Variants in COPB2 observed in about 807,000 individuals in gnomAD.
The protein encoded by COPB2 is coatomer subunit beta'.
In COPB2, 16 loss-of-function variants were observed where a neutral mutation model predicts 120.8. The ratio of observed to expected loss-of-function variants is 0.13; its 90% confidence interval spans 0.09 to 0.20. COPB2 has a LOEUF of 0.20. Ranked by LOEUF, COPB2 falls within the 10% of genes least tolerant of loss-of-function variation. The probability of loss-of-function intolerance (pLI) is 1.00; values close to 1 mark genes in which losing one functional copy is unlikely to be tolerated. For synonymous variants in COPB2, 332 were observed against 366.3 expected (o/e 0.91, Z 1.07); for missense variants, 794 against 1,076.5 (o/e 0.74, Z 3.67).
intron 5 of COPB2, among the ~76,000 whole-genome samples, chr3:139,376,391 T>G (rs1024213060): frequency 6.6e-6 from 1 of 152,246 alleles, no homozygotes; most frequent in African/African-American, 2.4e-5. Flanking sequence ...AAATATTTAT[T>G]GAGTGCCTAT....
At chr3:139,387,905 A>G (rs1941953002) in intron 1 of COPB2, among the ~76,000 whole-genome samples, 1 of 152,226 alleles carries the variant, frequency 6.6e-6, no homozygotes, top group East Asian at 1.9e-4. Context: ...ACCACTTCAC[A>G]AACATATAAC....
intron 1 of COPB2, among the ~76,000 whole-genome samples, chr3:139,384,712 T>C (rs1941882925): frequency 6.6e-6 from 1 of 152,244 alleles, no homozygotes; most frequent in African/African-American, 2.4e-5. Flanking sequence ...ATAACATTTT[T>C]ACTGTTTCAT....
chr3:139,357,939 A>T lies in COPB2; in HGVS notation c.2645T>A (p.Val882Glu), dbSNP rs1305668461. The T allele has an allele frequency of 3.1e-6, 5 of 1,591,444 alleles. No individual in the cohort carries two copies. Among genetic ancestry groups the T allele is most frequent in the Non-Finnish European group, 4.3e-6 (5 of 1,162,746 alleles). ...KEEKSLLELE[V>E]DLDNLELEDI... Reference sequence around the variant, plus strand: ...TTCTAATTCCAAATTATCCAAATCTACTTCTAGTTCGAGTAAACTCTGCAG... The same window carrying T: ...TTCTAATTCCAAATTATCCAAATCTTCTTCTAGTTCGAGTAAACTCTGCAG... Residue 882 changes from valine to glutamate, a missense_variant, in exon 22 of 22, where the codon GTA (valine) becomes GAA (glutamate). Coordinates refer to ENST00000333188, the MANE Select transcript of COPB2 (RefSeq NM_004766.3).
At chr3:139,374,151 G>T (rs1367035772) in intron 7 of COPB2, 5 of 408,728 alleles carry the variant, frequency 1.2e-5, no homozygotes, top group Admixed American at 8.0e-5. Flanking sequence ...TTCATAATTT[G>T]CCCAAACACA....
chr3:139,367,718 G>A (rs1337499895), intron 13 of COPB2, among the ~76,000 whole-genome samples: 2 of 151,980 alleles, frequency 1.3e-5, no homozygotes, highest in Non-Finnish European at 2.9e-5. Context: ...TCTCATTGTT[G>A]GGTCAAAATC....
intron 19 of COPB2, 86 bp downstream of exon 19, chr3:139,358,909 AAAG>A (rs1289896905): frequency 1.9e-5 from 30 of 1,570,262 alleles, no homozygotes; most frequent in Middle Eastern, 1.7e-4. Flanking sequence ...CTTAATTTTA[AAAG>A]AAGACAGCAG....
At chr3:139,367,433 G>A (rs958539064) in intron 13 of COPB2, among the ~76,000 whole-genome samples, 8 of 151,656 alleles carry the variant, frequency 5.3e-5, no homozygotes, top group African/African-American at 1.7e-4. Context: ...GATTACAGGC[G>A]CCCGCCACCA....
chr3:139,364,617 A>G (rs961722599), intron 15 of COPB2, among the ~76,000 whole-genome samples: 5 of 152,240 alleles, frequency 3.3e-5, no homozygotes, highest in Admixed American at 1.3e-4. Flanking sequence ...TGAAGGCTAC[A>G]TGTCAGCAGG....
chr3:139,377,671 T>A (rs1010984490), intron 5 of COPB2, among the ~76,000 whole-genome samples: 1 of 152,144 alleles, frequency 6.6e-6, no homozygotes, highest in Non-Finnish European at 1.5e-5. Flanking sequence ...TAGAGGCATA[T>A]GGAATTTAAA....
In COPB2 at chr3:139,369,359, C is replaced by T. The variant is rs779822252; in HGVS notation, c.1303G>A (p.Gly435Ser). 2.9e-5 allele frequency: 46 copies of T among 1,612,870 alleles called. No individual in the cohort carries two copies. Among genetic ancestry groups the T allele is most frequent in the South Asian group, 2.8e-4 (25 of 90,868 alleles). ...KPDFGAESIYGGFLLGVRSVN... is the reference protein window; with the variant it reads ...KPDFGAESIYSGFLLGVRSVN... ...GATCTGACTCCCAATAAGAAGCCGC[C>T]GTAGATACCTAAAGGGAACATAAAA... Residue 435 changes from glycine to serine, a missense_variant, in exon 12 of 22, where the codon GGC becomes AGC. By Grantham distance (56) the Gly-to-Ser change is moderately conservative. Coordinates refer to ENST00000333188, the MANE Select transcript of COPB2 (RefSeq NM_004766.3).
intron 15 of COPB2, among the ~76,000 whole-genome samples, chr3:139,362,965 A>G (rs994028549): frequency 1.3e-5 from 2 of 152,234 alleles, no homozygotes; most frequent in South Asian, 2.1e-4. Flanking sequence ...ATCTAGTCCA[A>G]CCCCTCATTT....
Position 139,358,722 on chromosome 3 carries a change from TCA to T in COPB2, c.2553+20_2553+21del, listed in dbSNP as rs1319730933. On this transcript the variant is annotated intron_variant, in intron 20 of 21. Transcript: ENST00000333188. ...AAGTGAACCATCTCAGCCAAATTTA[TCA>T]CATGAAGTGCTCTACTGACCTGTTG... The T allele has an allele frequency of 1.3e-6, 2 of 1,544,710 alleles. No individual in the cohort carries two copies. Among genetic ancestry groups the T allele is most frequent in the East Asian group, 2.2e-5 (1 of 44,538 alleles).
intron 5 of COPB2, 61 bp downstream of exon 5, chr3:139,377,980 A>G: frequency 7.1e-7 from 1 of 1,399,598 alleles, no homozygotes. Context: ...CAACAGTAAA[A>G]CACCTAAGGC....
At chr3:139,366,175 C>T (rs993553463) in intron 15 of COPB2, among the ~76,000 whole-genome samples, 3 of 152,056 alleles carry the variant, frequency 2.0e-5, no homozygotes, top group African/African-American at 7.2e-5. Context: ...ATGCTTTGCA[C>T]ATATGTAACT....
intron 9 of COPB2, among the ~76,000 whole-genome samples, chr3:139,372,667 T>C (rs888633839): frequency 6.6e-6 from 1 of 152,174 alleles, no homozygotes; most frequent in African/African-American, 2.4e-5. Context: ...ATTTTAAAGC[T>C]CCACAGGTTT....
At chr3:139,365,767 A>C (rs1941503612) in intron 15 of COPB2, among the ~76,000 whole-genome samples, 1 of 152,200 alleles carries the variant, frequency 6.6e-6, no homozygotes, top group African/African-American at 2.4e-5. Context: ...AGGGGGGAAA[A>C]AGACAATTAT....
chr3:139,376,621 T>A (rs947732996), intron 5 of COPB2, among the ~76,000 whole-genome samples: 8 of 152,230 alleles, frequency 5.3e-5, no homozygotes, highest in African/African-American at 1.9e-4. Context: ...AACCCTAAGA[T>A]ATTCAGACAC....
At chr3:139,369,188 T>C in intron 12 of COPB2, 73 bp downstream of exon 12, 1 of 1,177,860 alleles carries the variant, frequency 8.5e-7, no homozygotes, top group Non-Finnish European at 1.2e-6. Flanking sequence ...CAAAAGACAC[T>C]TCTTGGCCTT....
In COPB2 at chr3:139,359,163, C is replaced by A. The variant is rs1253482681; in HGVS notation, c.2319G>T (p.Trp773Cys). 1.2e-6 allele frequency: 2 copies of A among 1,613,518 alleles called. No individual in the cohort carries two copies. Among genetic ancestry groups the A allele is most frequent in the Non-Finnish European group, 1.7e-6 (2 of 1,179,838 alleles). ...PSQVSRVVKLWRENLSKVNQK... is the reference protein window; with the variant it reads ...PSQVSRVVKLCRENLSKVNQK... ...GATTGACTTTTGAGAGATTCTCTCT[C>A]CAGAGTTTCACTACCCTATTATAGA... The change falls in exon 19 of 22, where the codon TGG becomes TGT. Residue 773 changes from tryptophan (W) to cysteine (C), a missense_variant. Physicochemically the swap from Trp to Cys is radical, Grantham distance 215 (BLOSUM62 -2). Around this residue, in one of 3 missense-constraint regions of COPB2, gnomAD observed 178 missense variants for 183.2 expected, o/e 0.97. Coordinates refer to ENST00000333188, the MANE Select transcript of COPB2 (RefSeq NM_004766.3).
Sources: gnomAD v4.1 joint callset for allele counts (sites outside exome capture counted in the v4.1 genomes callset) on GRCh38, gnomAD v4.1.1 for gene constraint, gnomAD v4.1.1 regional missense constraint, MANE v1.5 for transcripts, NCBI Gene and HGNC (gene_info 2026-07-23, HGNC 2026-07-21) for gene names.